The following ZNF484 variants were observed in gnomAD, a reference collection of about 807,000 sequenced individuals.
ZNF484 encodes zinc finger protein 484, also known as KRAB box containing C2H2 type zinc finger bA526D8.4.
Under a neutral mutation model 12.9 loss-of-function variants are expected in ZNF484, and 11 were observed. The observed-to-expected ratio is 0.85, with a 90% CI of 0.54 to 1.41. The LOEUF (loss-of-function observed/expected upper bound fraction) is 1.41. ZNF484 is among the 40% of genes most tolerant of loss of function. The pLI is 0.00. For missense variants in ZNF484, 807 were observed against 1,007.7 expected (o/e 0.80, Z 2.70); for synonymous variants, 289 against 334.1 (o/e 0.86, Z 1.47).
At chr9:92,851,101 G>A (rs988927473) in intron 4 of ZNF484, among the ~76,000 whole-genome samples, 1 of 152,176 alleles carries the variant, frequency 6.6e-6, no homozygotes, top group African/African-American at 2.4e-5. Context: ...TTTGTCACTA[G>A]GTGGCACTGA....
In ZNF484 at chr9:92,846,336, TGGCTTCCAGTTTAA is replaced by T; in HGVS notation, c.2437_2450del (p.Leu813ThrfsTer9). ...CAGATTTCTGAGGCATACTGAGTTG[TGGCTTCCAGTTTAA>T]GGCTTTCCCCAAGTCACTGCACTTA... On this transcript the variant is annotated frameshift_variant, in exon 5 of 5. Transcript: ENST00000375495. LOFTEE classifies it low-confidence loss of function (END_TRUNC). 1 of 1,614,180 alleles carries T rather than the reference TGGCTTCCAGTTTAA, an allele frequency of 6.2e-7. No homozygotes were observed. The highest frequency in any genetic ancestry group is 8.5e-7 in the Non-Finnish European group (1 of 1,180,002).
In ZNF484 at chr9:92,855,860, T is replaced by C. The variant is rs1240385025; in HGVS notation, c.186A>G (p.Gln62=). The change falls in exon 4 of 5, where the codon CAA becomes CAG. Residue 62 remains glutamine (Q), a synonymous_variant. Transcript: ENST00000375495. ...CACCATCCAACATACATGGCTCTTCTTGTTCCAAGCTGAAGATGACTTCTG... is the reference window on the plus strand; with the variant it reads ...CACCATCCAACATACATGGCTCTTCCTGTTCCAAGCTGAAGATGACTTCTG... ...PKPEVIFSLE[Q]EEPCMLDGEI... is the part of the protein sequence containing the mutation. 1.2e-6 allele frequency: 2 copies of C among 1,614,186 alleles called. No homozygotes were observed. The highest frequency in any genetic ancestry group is 2.2e-5 in the East Asian group (1 of 44,888).
At chr9:92,877,049 T>C (rs62572381) in intron 1 of ZNF484, among the ~76,000 whole-genome samples, 13,707 of 152,130 alleles carry the variant, frequency 0.09, 834 homozygotes, top group East Asian at 0.29. Flanking sequence ...AAAAAACAGC[T>C]AAAACATACT....
In ZNF484 at chr9:92,856,300, C is replaced by G. The variant is rs757859049; in HGVS notation, c.34G>C (p.Asp12His). The G allele has an allele frequency of 3.3e-5, 52 of 1,597,040 alleles. No individual in the cohort carries two copies. Among genetic ancestry groups the G allele is most frequent in the Non-Finnish European group, 8.5e-7 (1 of 1,172,092 alleles). ...TCCCTACTGAAGTCTACAGTTACGT[C>G]CTTGAATGACACTGATTCCTGTTAA... The part of the protein sequence containing the change: ...TKSLESVSFK[D>H]VTVDFSRDEW... The change falls in exon 3 of 5, where the codon GAC becomes CAC. Residue 12 changes from aspartate to histidine, a missense_variant. Physicochemically the swap from Asp to His is moderately conservative, Grantham distance 81. Transcript: ENST00000375495.
At chr9:92,860,107 T>C (rs1856690274) in intron 2 of ZNF484, among the ~76,000 whole-genome samples, 1 of 152,128 alleles carries the variant, frequency 6.6e-6, no homozygotes, top group South Asian at 2.1e-4. Context: ...TGGCCAAAGG[T>C]ACCCCACTAT....
chr9:92,855,278 C>G (rs547245226), intron 4 of ZNF484, among the ~76,000 whole-genome samples: 2 of 152,196 alleles, frequency 1.3e-5, no homozygotes, highest in African/African-American at 4.8e-5. Flanking sequence ...ATGGTACTCT[C>G]AAAGTCAACA....
chr9:92,857,758 A>AT (rs560891538), intron 2 of ZNF484, among the ~76,000 whole-genome samples: 18 of 150,532 alleles, frequency 1.2e-4, no homozygotes, highest in Non-Finnish European at 1.8e-4. Context: ...GTGGAGAAAG[A>AT]TTTTTTTTTT....
intron 4 of ZNF484, among the ~76,000 whole-genome samples, chr9:92,850,247 T>C (rs891981116): frequency 1.1e-4 from 16 of 152,242 alleles, no homozygotes; most frequent in African/African-American, 3.4e-4. Flanking sequence ...GTTTAGTAAT[T>C]GGGGAAGAAG....
intron 2 of ZNF484, among the ~76,000 whole-genome samples, chr9:92,870,931 A>G (rs1200792150): frequency 6.6e-6 from 1 of 152,166 alleles, no homozygotes; most frequent in African/African-American, 2.4e-5. Context: ...TGGCAGTAGT[A>G]CAGCAAGGCC....
Position 92,847,024 on chromosome 9 carries a change from G to T in ZNF484, c.1763C>A (p.Ala588Asp). 6 of 1,614,034 alleles carry T rather than the reference G, an allele frequency of 3.7e-6. No individual in the cohort carries two copies. The highest frequency in any genetic ancestry group is 5.1e-6 in the Non-Finnish European group (6 of 1,180,002). The part of the protein sequence containing the change: ...KPYVCTECGK[A>D]FFHKSHFITH... ...AATAAAATGGGATTTGTGGAAGAAG[G>T]CCTTACCACATTCAGTGCAAACATA... The change falls in exon 5 of 5, where the codon GCC (alanine) becomes GAC (aspartate). Residue 588 changes from alanine (A) to aspartate (D), a missense_variant. Ala to Asp is a moderately radical substitution (Grantham distance 126, BLOSUM62 -2). Coordinates refer to ENST00000375495, the MANE Select transcript of ZNF484 (RefSeq NM_031486.4).
chr9:92,851,051 G>T (rs1239044354), intron 4 of ZNF484, among the ~76,000 whole-genome samples: 1 of 152,220 alleles, frequency 6.6e-6, no homozygotes, highest in Admixed American at 6.5e-5. Context: ...TTGTAGCCAA[G>T]CACATGGCTG....
At chr9:92,870,373 T>C (rs1857358667) in intron 2 of ZNF484, among the ~76,000 whole-genome samples, 1 of 152,186 alleles carries the variant, frequency 6.6e-6, no homozygotes, top group Admixed American at 6.5e-5. Context: ...CAAAACCTAC[T>C]CCAACCAAAT....
At position 92,849,728 on chromosome 9, in the gene ZNF484, C is replaced by G. The variant is rs187615043; in HGVS notation, c.236-1177G>C. Among the ~76,000 whole-genome samples, 313 of 152,012 alleles carry G rather than the reference C, an allele frequency of 2.1e-3. 2 individuals are homozygous for G. Among genetic ancestry groups the G allele is most frequent in the Middle Eastern group, 0.017 (5 of 294 alleles). ...ATCACTTGAGCCCAGGTGTTTGAAG[C>G]TGCAGTGAGCTCTGATCGCACCATT... On this transcript the variant is annotated intron_variant, in intron 4 of 4. Transcript: ENST00000375495.
intron 2 of ZNF484, among the ~76,000 whole-genome samples, chr9:92,865,718 G>A (rs115268894): frequency 0.015 from 2,296 of 152,136 alleles, 47 homozygotes; most frequent in African/African-American, 0.05. Context: ...ACTAGCCTGC[G>A]CAACATAGCA....
intron 1 of ZNF484, among the ~76,000 whole-genome samples, chr9:92,877,628 C>T (rs1371731671): frequency 2.0e-5 from 3 of 152,130 alleles, no homozygotes; most frequent in African/African-American, 7.2e-5. Context: ...TCATCCTCCC[C>T]CACAACCCCA....
Position 92,846,082 on chromosome 9 carries a change from C to T in ZNF484, c.*146G>A, listed in dbSNP as rs747058035. The T allele has an allele frequency of 1.3e-5, 10 of 771,906 alleles. No homozygotes were observed. The highest frequency in any genetic ancestry group is 2.9e-5 in the Admixed American group (1 of 33,918). 47.8% of individuals were successfully genotyped at this position (771,906 alleles called of 1,614,324 possible). Reference sequence around the variant, plus strand: ...AAAGACTGCCAATCATCTCCTTGCACATTTACTATTATTTGCAGGAGCTTG... The same window carrying T: ...AAAGACTGCCAATCATCTCCTTGCATATTTACTATTATTTGCAGGAGCTTG... On this transcript the variant is annotated 3_prime_UTR_variant, in exon 5 of 5. Transcript: ENST00000375495.
chr9:92,854,084 TCA>T (rs569503597), intron 4 of ZNF484, among the ~76,000 whole-genome samples: 312 of 152,072 alleles, frequency 2.1e-3, no homozygotes, highest in African/African-American at 7.2e-3. Context: ...GGCTTTTTTC[TCA>T]GTTTGTCCAG....
At chr9:92,862,100 C>T (rs1036869349) in intron 2 of ZNF484, 1 of 930,410 alleles carries the variant, frequency 1.1e-6, no homozygotes, top group African/African-American at 1.8e-5. Flanking sequence ...ATAAAATAGG[C>T]TCTGTTTAAA....
chr9:92,856,725 G>C (rs571184852), intron 2 of ZNF484, among the ~76,000 whole-genome samples: 24 of 152,044 alleles, frequency 1.6e-4, no homozygotes, highest in Middle Eastern at 3.4e-3. Flanking sequence ...TCAATACATG[G>C]TACACTTTTT....
Sources: allele counts gnomAD v4.1 joint callset (sites outside exome capture counted in the v4.1 genomes callset), GRCh38; gene constraint gnomAD v4.1.1; transcripts MANE v1.5; gene names NCBI Gene and HGNC (gene_info 2026-07-23, HGNC 2026-07-21).